The following MARCHF10 variants were observed in gnomAD, a reference collection of about 807,000 sequenced individuals.
The protein encoded by MARCHF10 is probable E3 ubiquitin-protein ligase MARCHF10.
In MARCHF10, 64 loss-of-function variants were observed where a neutral mutation model predicts 76.2. That is an observed-to-expected ratio of 0.84 (90% CI 0.69 to 1.03). The LOEUF (loss-of-function observed/expected upper bound fraction) is 1.03, where lower values mean the gene tolerates loss of function less well. MARCHF10 is among the 50% of genes least tolerant of loss of function. The probability of loss-of-function intolerance (pLI) is 0.00; values close to 1 mark genes in which losing one functional copy is unlikely to be tolerated. For synonymous variants in MARCHF10, 340 were observed against 357.5 expected, an observed-to-expected ratio of 0.95 and a Z score of 0.55; for missense variants, 875 against 958.0, an observed-to-expected ratio of 0.91 and a Z score of 1.14.
At chr17:62,717,568 C>T (rs2147657550) in intron 8 of MARCHF10, among the ~76,000 whole-genome samples, 1 of 152,330 alleles carries the variant, frequency 6.6e-6, no homozygotes, top group Admixed American at 6.5e-5. Flanking sequence ...CCATGGGAGG[C>T]CCCGGCAGGA....
At chr17:62,798,003 A>G (rs1184948106) in intron 2 of MARCHF10, among the ~76,000 whole-genome samples, 1 of 152,192 alleles carries the variant, frequency 6.6e-6, no homozygotes, top group Non-Finnish European at 1.5e-5. Context: ...GGCAGCAGGG[A>G]GATGGACATG....
intron 10 of MARCHF10, among the ~76,000 whole-genome samples, chr17:62,704,061 C>T (rs1323117164): frequency 6.6e-6 from 1 of 151,792 alleles, no homozygotes; most frequent in Non-Finnish European, 1.5e-5. Flanking sequence ...CGCCTGGGCG[C>T]GGCGCCGGGA....
At chr17:62,745,452 G>A (rs936164177) in intron 4 of MARCHF10, among the ~76,000 whole-genome samples, 2 of 152,128 alleles carry the variant, frequency 1.3e-5, no homozygotes, top group Non-Finnish European at 2.9e-5. Flanking sequence ...GGATATGCCC[G>A]CTAGCAACAC....
intron 3 of MARCHF10, among the ~76,000 whole-genome samples, chr17:62,760,472 A>G (rs1407515970): frequency 6.6e-6 from 1 of 152,240 alleles, no homozygotes; most frequent in Non-Finnish European, 1.5e-5. Context: ...CCTCAGTTTC[A>G]ATACTCTGCG....
chr17:62,740,688 T>G (rs1219892320), intron 5 of MARCHF10, among the ~76,000 whole-genome samples: 1 of 152,122 alleles, frequency 6.6e-6, no homozygotes, highest in Non-Finnish European at 1.5e-5. Flanking sequence ...AAACAGGGTC[T>G]TGCTCTGTCA....
intron 8 of MARCHF10, among the ~76,000 whole-genome samples, chr17:62,715,927 A>G (rs2090169731): frequency 6.6e-6 from 1 of 151,996 alleles, no homozygotes; most frequent in South Asian, 2.1e-4. Flanking sequence ...CACACTCTCA[A>G]AGGCCACCGA....
intron 6 of MARCHF10, among the ~76,000 whole-genome samples, chr17:62,730,691 C>T (rs1039938183): frequency 1.3e-5 from 2 of 152,052 alleles, no homozygotes; most frequent in East Asian, 1.9e-4. Context: ...GTCAGGAGTT[C>T]GAGACCAGCC....
At chr17:62,733,886 T>C (rs2091144003) in intron 6 of MARCHF10, among the ~76,000 whole-genome samples, 1 of 152,160 alleles carries the variant, frequency 6.6e-6, no homozygotes, top group Non-Finnish European at 1.5e-5. Flanking sequence ...ATACACAACA[T>C]ATTGTTTAGA....
intron 4 of MARCHF10, chr17:62,746,855 C>G: frequency 2.0e-6 from 3 of 1,527,410 alleles, no homozygotes; most frequent in Non-Finnish European, 2.6e-6. Flanking sequence ...AGCCCCGCCA[C>G]TGCATTCACC....
chr17:62,701,709 G>A lies in MARCHF10; in HGVS notation c.2421C>T (p.Val807=), dbSNP rs761954945. Residue 807 remains valine (V), a synonymous_variant, in exon 11 of 11, where the codon GTC becomes GTT. Transcript: ENST00000311269. ...GNEGSISQSQ[V]V Reference sequence around the variant, plus strand: ...TCCACAGTTGGCTTCCTTGCTAGACGACCTGGCTTTGAGAAATGCTGCCTT... The same window carrying A: ...TCCACAGTTGGCTTCCTTGCTAGACAACCTGGCTTTGAGAAATGCTGCCTT... 2 of 1,614,106 alleles carry A rather than the reference G, an allele frequency of 1.2e-6. No homozygotes were observed. Among genetic ancestry groups the A allele is most frequent in the Non-Finnish European group, 1.7e-6 (2 of 1,180,042 alleles).
intron 4 of MARCHF10, among the ~76,000 whole-genome samples, chr17:62,748,822 C>A (rs926706138): frequency 6.6e-6 from 1 of 152,154 alleles, no homozygotes; most frequent in Non-Finnish European, 1.5e-5. Context: ...AAATTTCAGA[C>A]CTTTGGGGGC....
In MARCHF10 at chr17:62,701,645, C is replaced by T. The variant is rs752801399; in HGVS notation, c.*58G>A. 56 of 1,612,930 alleles carry T rather than the reference C, an allele frequency of 3.5e-5. No individual in the cohort carries two copies. Among genetic ancestry groups the T allele is most frequent in the South Asian group, 8.8e-5 (8 of 91,068 alleles). ...GAGGAGGGAGGGAGGCACTTGGGGACGTAGAAAGAAGGGCTGGCGGGAGAG... is the reference window on the plus strand; with the variant it reads ...GAGGAGGGAGGGAGGCACTTGGGGATGTAGAAAGAAGGGCTGGCGGGAGAG... On this transcript the variant is annotated 3_prime_UTR_variant, in exon 11 of 11. Coordinates refer to ENST00000311269, the MANE Select transcript of MARCHF10 (RefSeq NM_152598.4).
rs188792503 is a variant in MARCHF10 at position 62,788,621 on chromosome 17, A to G, written c.91-22T>C. On this transcript the variant is annotated intron_variant, in intron 2 of 10. Transcript: ENST00000311269. ...AAGCCTGAAGAACAACAACAATAAA[A>G]TGTTTGTCTTAGGACCATGGCAAGC... 59 of 1,613,058 alleles carry G rather than the reference A, an allele frequency of 3.7e-5. No homozygotes were observed. In the African/African-American group the frequency reaches 7.6e-4, roughly 21 times the overall value.
chr17:62,779,556 A>G, intron 3 of MARCHF10, among the ~76,000 whole-genome samples: 1 of 152,296 alleles, frequency 6.6e-6, no homozygotes, highest in East Asian at 1.9e-4. Flanking sequence ...GTCATAGAAA[A>G]ACACAAAATG....
intron 6 of MARCHF10, among the ~76,000 whole-genome samples, chr17:62,732,992 C>CAAA (rs398041783): frequency 0.019 from 1,269 of 66,382 alleles, 54 homozygotes; most frequent in Middle Eastern, 0.034. Flanking sequence ...GACTCAGTCT[C>CAAA]AAAAAAAAAA....
chr17:62,788,428 C>T (rs926161093), intron 3 of MARCHF10, 52 bp downstream of exon 3: 1 of 1,608,682 alleles, frequency 6.2e-7, no homozygotes, highest in African/African-American at 1.3e-5. Context: ...CACACCACCA[C>T]CACCAGCAGC....
intron 1 of MARCHF10, among the ~76,000 whole-genome samples, chr17:62,803,829 T>C (rs1338744425): frequency 1.3e-5 from 2 of 152,174 alleles, no homozygotes; most frequent in Non-Finnish European, 1.5e-5. Flanking sequence ...AGTTACTCTT[T>C]ACCGACCCTC....
At chr17:62,792,630 C>G (rs1300774217) in intron 2 of MARCHF10, among the ~76,000 whole-genome samples, 3 of 147,612 alleles carry the variant, frequency 2.0e-5, no homozygotes, top group Non-Finnish European at 4.5e-5. Flanking sequence ...GCCTCCATCA[C>G]CACCACCACA....
At chr17:62,760,180 C>A (rs1449390969) in intron 3 of MARCHF10, among the ~76,000 whole-genome samples, 174 bp from the exon 4 acceptor site, 1 of 152,078 alleles carries the variant, frequency 6.6e-6, no homozygotes. Flanking sequence ...GGCAGAGCAA[C>A]TTAGAAATAA....
Sources: gnomAD v4.1 joint callset for allele counts (sites outside exome capture counted in the v4.1 genomes callset) on GRCh38, gnomAD v4.1.1 for gene constraint, MANE v1.5 for transcripts, NCBI Gene and HGNC (gene_info 2026-07-23, HGNC 2026-07-21) for gene names.